Variants in CTXND1 observed in about 807,000 individuals in gnomAD.
The protein encoded by CTXND1 is cortexin domain containing 1, also known as cortexin domain-containing 1 protein.
chr15:80,215,023 AG>A (rs1893236889), intron 1 of CTXND1, among the ~76,000 whole-genome samples: 1 of 152,250 alleles, frequency 6.6e-6, no homozygotes. Flanking sequence ...AAAACTTCAA[AG>A]ATATGGATGT....
At position 80,195,534 on chromosome 15, in the gene CTXND1, T is replaced by A. The variant is rs1423039205; in HGVS notation, c.*6236A>T. ...GCTCACGATTTTGGAGGCTGCAAAA[T>A]ACAAGATCAAGGAACCAGCATCTGG... On this transcript the variant is annotated 3_prime_UTR_variant, in exon 3 of 3. Transcript: ENST00000560778. The A allele has an allele frequency of 6.6e-6, 1 of 152,162 alleles. No homozygotes were observed. Among genetic ancestry groups the A allele is most frequent in the African/African-American group, 2.4e-5 (1 of 41,416 alleles). 9.4% of individuals were successfully genotyped at this position (152,162 alleles called of 1,614,324 possible). A position where few individuals can be genotyped will look rare whatever the true frequency, so the allele number is the denominator to read the frequency against.
At chr15:80,208,127 G>T (rs908894163) in intron 1 of CTXND1, among the ~76,000 whole-genome samples, 5 of 151,746 alleles carry the variant, frequency 3.3e-5, no homozygotes, top group Admixed American at 3.3e-4. Flanking sequence ...GATTTTGAAA[G>T]ACGTTCACTG....
chr15:80,248,280 G>A (rs1893656875), intron 1 of CTXND1, among the ~76,000 whole-genome samples: 1 of 152,236 alleles, frequency 6.6e-6, no homozygotes, highest in Admixed American at 6.5e-5. Context: ...AGGCCTAGTA[G>A]CAATGCATCA....
chr15:80,218,146 T>C (rs1567130449), intron 1 of CTXND1, among the ~76,000 whole-genome samples: 1 of 152,162 alleles, frequency 6.6e-6, no homozygotes, highest in Non-Finnish European at 1.5e-5. Flanking sequence ...TTAGTATATG[T>C]ATTTTTAGAG....
At position 80,201,505 on chromosome 15, in the gene CTXND1, C is replaced by G. The variant is rs117144041; in HGVS notation, c.*265G>C. On this transcript the variant is annotated 3_prime_UTR_variant, in exon 3 of 3. Coordinates refer to ENST00000560778, the MANE Select transcript of CTXND1 (RefSeq NM_001352888.2). ...ACCCTATCATCTCACAGGGACTCCCCACACTGGAACCCCAGCCTCCTGGGT... is the reference window on the plus strand; with the variant it reads ...ACCCTATCATCTCACAGGGACTCCCGACACTGGAACCCCAGCCTCCTGGGT... The G allele has an allele frequency of 0.037, 12,426 of 339,254 alleles. 293 individuals are homozygous for G. The highest frequency in any genetic ancestry group is 0.045 in the Non-Finnish European group (8,418 of 188,552). 21.0% of individuals were successfully genotyped at this position (339,254 alleles called of 1,614,324 possible). A position where few individuals can be genotyped will look rare whatever the true frequency, so the allele number is the denominator to read the frequency against.
At chr15:80,214,500 A>G (rs1164819652) in intron 1 of CTXND1, among the ~76,000 whole-genome samples, 1 of 152,174 alleles carries the variant, frequency 6.6e-6, no homozygotes, top group African/African-American at 2.4e-5. Context: ...ACAAACCAAC[A>G]AGCTTCTTGA....
Position 80,218,787 on chromosome 15 carries a change from A to G in CTXND1, c.-217-15047T>C, listed in dbSNP as rs113191291. On this transcript the variant is annotated intron_variant, in intron 1 of 2. Transcript: ENST00000560778. Reference sequence around the variant, plus strand: ...ATTACAGATGTAAGCGAAGCCCAGTATGTATTTGAACTAGATCCCACTCTC... The same window carrying G: ...ATTACAGATGTAAGCGAAGCCCAGTGTGTATTTGAACTAGATCCCACTCTC... 1.7e-3 allele frequency among the ~76,000 whole-genome samples: 257 copies of G among 152,254 alleles called. 4 individuals are homozygous for G. The highest frequency in any genetic ancestry group is 5.6e-3 in the African/African-American group (233 of 41,548).
intron 1 of CTXND1, among the ~76,000 whole-genome samples, chr15:80,217,780 C>T (rs909625027): frequency 1.7e-4 from 26 of 152,088 alleles, no homozygotes; most frequent in Admixed American, 1.3e-3. Context: ...CTCCTGAGCT[C>T]GAGCAATCTG....
At chr15:80,206,587 C>A (rs1893149525) in intron 1 of CTXND1, among the ~76,000 whole-genome samples, 1 of 152,066 alleles carries the variant, frequency 6.6e-6, no homozygotes, top group South Asian at 2.1e-4. Flanking sequence ...TTCTCTTCCA[C>A]TACCTAATTT....
At chr15:80,233,139 C>T (rs532872012) in intron 1 of CTXND1, among the ~76,000 whole-genome samples, 1 of 152,020 alleles carries the variant, frequency 6.6e-6, no homozygotes, top group Non-Finnish European at 1.5e-5. Flanking sequence ...ACGGGTTTCA[C>T]CCTCTTGGCC....
intron 1 of CTXND1, among the ~76,000 whole-genome samples, chr15:80,236,067 T>A (rs1189010279): frequency 6.7e-6 from 1 of 149,208 alleles, no homozygotes; most frequent in African/African-American, 2.5e-5. Flanking sequence ...AAAATAATGC[T>A]TGATGGAACA....
intron 1 of CTXND1, among the ~76,000 whole-genome samples, chr15:80,207,739 A>G (rs566906697): frequency 6.6e-6 from 1 of 152,322 alleles, no homozygotes; most frequent in South Asian, 2.1e-4. Flanking sequence ...CCTCCATTCA[A>G]TAAGGGGCTA....
intron 1 of CTXND1, among the ~76,000 whole-genome samples, chr15:80,221,378 C>T (rs946827655): frequency 6.6e-6 from 1 of 152,076 alleles, no homozygotes; most frequent in African/African-American, 2.4e-5. Context: ...GCATCCTTGT[C>T]TTGTTCTTTA....
chr15:80,235,423 G>C (rs562490994), intron 1 of CTXND1, among the ~76,000 whole-genome samples: 2 of 152,206 alleles, frequency 1.3e-5, no homozygotes, highest in African/African-American at 2.4e-5. Flanking sequence ...AAGATGGCTG[G>C]CATCCTTGGC....
chr15:80,224,556 C>T (rs372235560), intron 1 of CTXND1, among the ~76,000 whole-genome samples: 7 of 152,086 alleles, frequency 4.6e-5, no homozygotes, highest in Non-Finnish European at 8.8e-5. Flanking sequence ...TTTGCATTTC[C>T]GTATAAATTC....
intron 1 of CTXND1, among the ~76,000 whole-genome samples, chr15:80,240,404 G>A (rs189590453): frequency 1.3e-3 from 202 of 152,202 alleles, no homozygotes; most frequent in African/African-American, 4.5e-3. Flanking sequence ...TCTGCCAGGC[G>A]TCCCAGATTG....
At chr15:80,242,480 G>A (rs1893580891) in intron 1 of CTXND1, among the ~76,000 whole-genome samples, 1 of 152,198 alleles carries the variant, frequency 6.6e-6, no homozygotes, top group Admixed American at 6.5e-5. Context: ...GGGTATCACA[G>A]GGGACTGTGT....
At chr15:80,226,805 GTC>G (rs968216463) in intron 1 of CTXND1, among the ~76,000 whole-genome samples, 1 of 152,144 alleles carries the variant, frequency 6.6e-6, no homozygotes, top group Admixed American at 6.5e-5. Flanking sequence ...TCCTATACCC[GTC>G]TGCTGCATTG....
intron 1 of CTXND1, among the ~76,000 whole-genome samples, chr15:80,242,139 G>A (rs138817739): frequency 1.6e-4 from 24 of 152,334 alleles, no homozygotes; most frequent in African/African-American, 5.5e-4. Flanking sequence ...CACCCTAAGA[G>A]AGACAGAGAG....
Sources: allele counts gnomAD v4.1 joint callset (sites outside exome capture counted in the v4.1 genomes callset), GRCh38; gene constraint gnomAD v4.1.1; transcripts MANE v1.5; gene names NCBI Gene and HGNC (gene_info 2026-07-23, HGNC 2026-07-21).